EPC2: variants seen among roughly 807,000 people sequenced by gnomAD.
EPC2 encodes the protein enhancer of polycomb homolog 2.
EPC2 carries 14 observed loss-of-function variants against 92.1 expected under a neutral mutation model. That is an observed-to-expected ratio of 0.15 (90% CI 0.10 to 0.24). EPC2 has a LOEUF of 0.24. Among genes scored for constraint, EPC2 ranks in the 10% least tolerant of loss-of-function variants. The pLI is 1.00. For synonymous variants in EPC2, 340 were observed against 334.7 expected (o/e 1.02, Z -0.17); for missense variants, 755 against 971.5 (o/e 0.78, Z 2.96).
intron 2 of EPC2, among the ~76,000 whole-genome samples, chr2:148,720,364 TG>T (rs1294158645): frequency 1.3e-5 from 2 of 152,186 alleles, no homozygotes; most frequent in Non-Finnish European, 2.9e-5. Flanking sequence ...TGCTGGTGGC[TG>T]CTTGGAATTC....
At chr2:148,683,672 G>T (rs2105367993) in intron 1 of EPC2, among the ~76,000 whole-genome samples, 1 of 152,136 alleles carries the variant, frequency 6.6e-6, no homozygotes, top group East Asian at 1.9e-4. Flanking sequence ...TTAGAATAAT[G>T]GTCTTCAACT....
At chr2:148,691,288 A>G (rs1281473619) in intron 2 of EPC2, among the ~76,000 whole-genome samples, 1 of 152,166 alleles carries the variant, frequency 6.6e-6, no homozygotes, top group Admixed American at 6.5e-5. Context: ...GTGTCTTGTT[A>G]TCTTGTCAGG....
intron 3 of EPC2, among the ~76,000 whole-genome samples, chr2:148,751,888 T>G (rs1182873750): frequency 1.3e-5 from 2 of 152,090 alleles, no homozygotes; most frequent in Non-Finnish European, 2.9e-5. Context: ...TATAACAACA[T>G]ACAGCAGTGA....
intron 6 of EPC2, among the ~76,000 whole-genome samples, chr2:148,763,630 G>C (rs993040764): frequency 4.6e-5 from 7 of 151,890 alleles, no homozygotes; most frequent in African/African-American, 1.7e-4. Flanking sequence ...AAAGAGTGTG[G>C]AGCAGGAAGA....
chr2:148,765,563 CTT>C (rs1683390813), intron 7 of EPC2, among the ~76,000 whole-genome samples: 1 of 152,108 alleles, frequency 6.6e-6, no homozygotes, highest in African/African-American at 2.4e-5. Flanking sequence ...TGTTTTATAA[CTT>C]TTAATGTAAA....
chr2:148,703,855 T>G (rs1681935981), intron 2 of EPC2, among the ~76,000 whole-genome samples: 1 of 152,184 alleles, frequency 6.6e-6, no homozygotes. Flanking sequence ...AAAACATGCA[T>G]TATACCACCT....
At chr2:148,785,771 C>G (rs1683853949) in intron 13 of EPC2, among the ~76,000 whole-genome samples, 1 of 152,180 alleles carries the variant, frequency 6.6e-6, no homozygotes. Context: ...TTATGGATTA[C>G]TACGGACATC....
chr2:148,647,111 C>G (rs555572440), intron 1 of EPC2, among the ~76,000 whole-genome samples: 7 of 151,764 alleles, frequency 4.6e-5, no homozygotes, highest in South Asian at 2.1e-4. Context: ...CTCCGTCCCC[C>G]CCAACAACAA....
chr2:148,784,138 A>T (rs1055642503), intron 12 of EPC2, among the ~76,000 whole-genome samples: 1 of 152,056 alleles, frequency 6.6e-6, no homozygotes, highest in Non-Finnish European at 1.5e-5. Context: ...TTGCCTTCCC[A>T]CTCTTACATA....
intron 1 of EPC2, among the ~76,000 whole-genome samples, chr2:148,688,445 G>A (rs1681574165): frequency 6.6e-6 from 1 of 152,034 alleles, no homozygotes; most frequent in Admixed American, 6.5e-5. Flanking sequence ...ATAGCATTAG[G>A]AGATATACCT....
chr2:148,650,271 C>T (rs1680650909), intron 1 of EPC2, among the ~76,000 whole-genome samples: 1 of 152,114 alleles, frequency 6.6e-6, no homozygotes, highest in South Asian at 2.1e-4. Flanking sequence ...TTTTCTCCCC[C>T]TCCCCCAATA....
At chr2:148,736,160 T>TTA (rs946676070) in intron 2 of EPC2, among the ~76,000 whole-genome samples, 3 of 152,148 alleles carry the variant, frequency 2.0e-5, no homozygotes, top group Non-Finnish European at 2.9e-5. Context: ...CAATGAAAAA[T>TTA]TATATACTTC....
chr2:148,653,837 C>T (rs995901027), intron 1 of EPC2, among the ~76,000 whole-genome samples: 6 of 152,010 alleles, frequency 3.9e-5, no homozygotes, highest in African/African-American at 1.2e-4. Flanking sequence ...CCAATCCTGG[C>T]CTCTGCCACT....
intron 1 of EPC2, among the ~76,000 whole-genome samples, chr2:148,664,862 T>C (rs1213115552): frequency 6.6e-6 from 1 of 152,260 alleles, no homozygotes; most frequent in Non-Finnish European, 1.5e-5. Flanking sequence ...AGTTTGTGGC[T>C]GTATCACAAT....
chr2:148,677,922 G>T (rs1681305025), intron 1 of EPC2, among the ~76,000 whole-genome samples: 1 of 152,172 alleles, frequency 6.6e-6, no homozygotes, highest in Non-Finnish European at 1.5e-5. Context: ...GACCCAAAGA[G>T]TGAGCAGTAG....
At chr2:148,647,498 G>T (rs910698435) in intron 1 of EPC2, among the ~76,000 whole-genome samples, 1 of 151,670 alleles carries the variant, frequency 6.6e-6, no homozygotes, top group African/African-American at 2.4e-5. Flanking sequence ...AGTAGAGTCG[G>T]GGTTTCACCA....
chr2:148,671,286 G>GTTTTTTTTTTTTTTTTTTTTTTTTT (rs369058386), intron 1 of EPC2, among the ~76,000 whole-genome samples: 1 of 130,652 alleles, frequency 7.7e-6, no homozygotes. Flanking sequence ...TGTGGATTGT[G>GTTTTTTTTTTTTTTTTTTTTTTTTT]ATTTTTTTTT....
intron 2 of EPC2, among the ~76,000 whole-genome samples, chr2:148,699,860 G>T (rs1681837612): frequency 6.6e-6 from 1 of 152,174 alleles, no homozygotes; most frequent in African/African-American, 2.4e-5. Context: ...GTGAATGAAA[G>T]TTTCTATTGC....
chr2:148,728,755 G>A (rs1475846086), intron 2 of EPC2, among the ~76,000 whole-genome samples: 2 of 150,696 alleles, frequency 1.3e-5, no homozygotes, highest in African/African-American at 4.9e-5. Flanking sequence ...AAAAAAGGCC[G>A]GGCACGGTAG....
Sources: gnomAD v4.1 joint callset for allele counts (sites outside exome capture counted in the v4.1 genomes callset) on GRCh38, gnomAD v4.1.1 for gene constraint, MANE v1.5 for transcripts, NCBI Gene and HGNC (gene_info 2026-07-23, HGNC 2026-07-21) for gene names.